The following ELMO1 variants were observed in gnomAD, a reference collection of about 807,000 sequenced individuals.
ELMO1 encodes the protein engulfment and cell motility 1, also known as engulfment and cell motility protein 1.
Under a neutral mutation model 98.9 loss-of-function variants are expected in ELMO1, and 26 were observed. The observed-to-expected ratio is 0.26, with a 90% confidence interval of 0.19 to 0.36. ELMO1 has a LOEUF of 0.36. ELMO1 is among the 10% of genes least tolerant of loss of function. ELMO1 has a pLI of 1.00. For synonymous variants in ELMO1, 346 were observed against 346.0 expected (o/e 1.00, Z 0.00); for missense variants, 627 against 935.2 (o/e 0.67, Z 4.30).
chr7:37,393,177 C>CA (rs746595918), intron 1 of ELMO1, among the ~76,000 whole-genome samples: 2 of 152,240 alleles, frequency 1.3e-5, no homozygotes, highest in Middle Eastern at 3.4e-3. Context: ...CTCCAATTCA[C>CA]AAGAAATTGC....
At chr7:37,446,159 G>C (rs1805604111) in intron 1 of ELMO1, among the ~76,000 whole-genome samples, 1 of 152,182 alleles carries the variant, frequency 6.6e-6, no homozygotes, top group East Asian at 1.9e-4. Context: ...TATTTCCCTG[G>C]TGGATCTCTC....
intron 16 of ELMO1, among the ~76,000 whole-genome samples, chr7:36,947,112 C>A (rs1787560551): frequency 6.6e-6 from 1 of 152,202 alleles, no homozygotes; most frequent in African/African-American, 2.4e-5. Context: ...TTTTTCCAAC[C>A]TTGCCCTGCT....
intron 1 of ELMO1, among the ~76,000 whole-genome samples, chr7:37,386,237 T>C (rs1429853027): frequency 6.6e-6 from 1 of 152,062 alleles, no homozygotes; most frequent in African/African-American, 2.4e-5. Flanking sequence ...CTATCGGATG[T>C]TGCAATTGTT....
chr7:37,310,775 C>T (rs1583517592), intron 4 of ELMO1, among the ~76,000 whole-genome samples: 1 of 152,178 alleles, frequency 6.6e-6, no homozygotes, highest in East Asian at 1.9e-4. Context: ...TTCAGACCCA[C>T]CTGGGTCCAA....
At chr7:37,033,046 A>C (rs901935885) in intron 15 of ELMO1, among the ~76,000 whole-genome samples, 12 of 152,174 alleles carry the variant, frequency 7.9e-5, no homozygotes, top group African/African-American at 2.9e-4. Context: ...ATATTTCTGA[A>C]TGTGTTTTTC....
intron 2 of ELMO1, among the ~76,000 whole-genome samples, chr7:37,334,857 C>T (rs1224123588): frequency 6.6e-6 from 1 of 152,162 alleles, no homozygotes; most frequent in African/African-American, 2.4e-5. Flanking sequence ...ACACATGCAT[C>T]TGTGTTTCTT....
chr7:37,157,538 A>G (rs1788873607), intron 13 of ELMO1, among the ~76,000 whole-genome samples: 1 of 152,176 alleles, frequency 6.6e-6, no homozygotes, highest in South Asian at 2.1e-4. Context: ...GAGCCAAATC[A>G]TGAGTGAACT....
In ELMO1 at chr7:37,385,360, C is replaced by T. The variant is rs564353127; in HGVS notation, c.-73-42597G>A. Among the ~76,000 whole-genome samples the T allele has an allele frequency of 9.2e-5, 14 of 152,354 alleles. No homozygotes were observed. The South Asian group carries it at 2.1e-3, about 23-fold the overall frequency. On this transcript the variant is annotated intron_variant, in intron 1 of 21. Coordinates refer to ENST00000310758, the MANE Select transcript of ELMO1 (RefSeq NM_014800.11). ...CATCTCCCCCTCCCCTCCAGCCACA[C>T]TGGCCCTGCTATTCCCCAGCAGGCC...
intron 10 of ELMO1, among the ~76,000 whole-genome samples, chr7:37,217,549 T>C (rs1411407448): frequency 2.0e-5 from 3 of 151,788 alleles, no homozygotes; most frequent in Non-Finnish European, 2.9e-5. Context: ...AACTCAACCA[T>C]GATTTCTACT....
At chr7:37,091,447 A>T (rs576660492) in intron 15 of ELMO1, among the ~76,000 whole-genome samples, 5 of 152,252 alleles carry the variant, frequency 3.3e-5, no homozygotes, top group African/African-American at 1.2e-4. Context: ...CTTTAATAAC[A>T]ACAATAAAAA....
At chr7:37,347,320 C>T (rs150011087) in intron 1 of ELMO1, among the ~76,000 whole-genome samples, 1 of 152,186 alleles carries the variant, frequency 6.6e-6, no homozygotes, top group Non-Finnish European at 1.5e-5. Context: ...TGGGGCCATA[C>T]TTCTTTGCTG....
At chr7:37,341,625 C>A (rs1800728247) in intron 2 of ELMO1, among the ~76,000 whole-genome samples, 1 of 152,160 alleles carries the variant, frequency 6.6e-6, no homozygotes, top group Non-Finnish European at 1.5e-5. Flanking sequence ...CCGTATAATT[C>A]ATTTTAATGA....
At chr7:37,264,530 TA>T (rs377698043) in intron 5 of ELMO1, among the ~76,000 whole-genome samples, 1 of 152,054 alleles carries the variant, frequency 6.6e-6, no homozygotes, top group Non-Finnish European at 1.5e-5. Context: ...TCAACATTAT[TA>T]AAAAAATAAG....
At chr7:36,942,158 A>G (rs1014994058) in intron 16 of ELMO1, among the ~76,000 whole-genome samples, 1 of 152,226 alleles carries the variant, frequency 6.6e-6, no homozygotes, top group African/African-American at 2.4e-5. Flanking sequence ...ACAATAGTCC[A>G]AAGCACTCCC....
At position 37,342,795 on chromosome 7, in the gene ELMO1, G is replaced by A; in HGVS notation, c.-73-32C>T. Reference sequence around the variant, plus strand: ...AGGAATGACAGAAAAAGAAAGAGAAGTCACTCAGTGCAGATGCAGGGTGAA... The same window carrying A: ...AGGAATGACAGAAAAAGAAAGAGAAATCACTCAGTGCAGATGCAGGGTGAA... On this transcript the variant is annotated intron_variant, in intron 1 of 21. Coordinates refer to ENST00000310758, the MANE Select transcript of ELMO1 (RefSeq NM_014800.11). This position sits in a 1 kb window ranked among gnomAD's most constrained non-coding sequence, Gnocchi z 4.3. 1.0e-5 allele frequency: 11 copies of A among 1,060,358 alleles called. No homozygotes were observed. The highest frequency in any genetic ancestry group is 1.5e-5 in the Non-Finnish European group (11 of 723,210). The allele number at this position is 1,060,358 out of a possible 1,614,324, so 65.7% of individuals were successfully genotyped here.
chr7:37,427,002 T>C (rs1404086334), intron 1 of ELMO1, among the ~76,000 whole-genome samples: 1 of 151,504 alleles, frequency 6.6e-6, no homozygotes, highest in Non-Finnish European at 1.5e-5. Flanking sequence ...CTAAAAAGAT[T>C]CTACGTCTTT....
intron 1 of ELMO1, among the ~76,000 whole-genome samples, chr7:37,425,634 A>G (rs2131545867): frequency 6.6e-6 from 1 of 152,370 alleles, no homozygotes; most frequent in South Asian, 2.1e-4. Flanking sequence ...GCTTTGGCCA[A>G]GTAATCACAA....
chr7:37,020,395 G>A (rs962083499), intron 15 of ELMO1, among the ~76,000 whole-genome samples: 1 of 152,096 alleles, frequency 6.6e-6, no homozygotes, highest in African/African-American at 2.4e-5. Flanking sequence ...ACATTAGAGT[G>A]GTATTTGATA....
chr7:37,253,595 T>C (rs1375198474), intron 6 of ELMO1, among the ~76,000 whole-genome samples: 1 of 151,258 alleles, frequency 6.6e-6, no homozygotes, highest in African/African-American at 2.4e-5. Context: ...GAGGCTAGGG[T>C]AGGGATAACA....
Sources: allele counts gnomAD v4.1 joint callset (sites outside exome capture counted in the v4.1 genomes callset), GRCh38; gene constraint gnomAD v4.1.1; non-coding constraint Gnocchi (gnomAD v3.1); transcripts MANE v1.5; gene names NCBI Gene and HGNC (gene_info 2026-07-23, HGNC 2026-07-21).